NRDE2: variants seen among roughly 807,000 people sequenced by gnomAD.
NRDE2 encodes nuclear exosome regulator NRDE2.
Under a neutral mutation model 124.2 loss-of-function variants are expected in NRDE2, and 76 were observed. The observed-to-expected ratio is 0.61, with a 90% CI of 0.51 to 0.74. The LOEUF (loss-of-function observed/expected upper bound fraction) is 0.74, where lower values mean the gene tolerates loss of function less well. Among genes scored for constraint, NRDE2 ranks in the 30% least tolerant of loss-of-function variants. The pLI is 0.00. For missense variants in NRDE2, 1,314 were observed against 1,417.3 expected (o/e 0.93, Z 1.17); for synonymous variants, 489 against 528.1 (o/e 0.93, Z 1.01).
rs961126080 is a variant in NRDE2, at chr14:90,270,761, G to A, written c.*7575C>T. 1 of 157,836 alleles carries A rather than the reference G, an allele frequency of 6.3e-6. No individual in the cohort carries two copies. The highest frequency in any genetic ancestry group is 2.0e-4 in the South Asian group (1 of 4,942). The allele number at this position is 157,836 out of a possible 1,614,324, so 9.8% of individuals were successfully genotyped here. ...ATCTGTGTTCTGGAAGGTTGTACCA[G>A]ATTATACTTCTTGGTTTTATGACAA... On this transcript the variant is annotated 3_prime_UTR_variant, in exon 14 of 14. Coordinates refer to ENST00000354366, the MANE Select transcript of NRDE2 (RefSeq NM_017970.4).
At chr14:90,284,617 C>T (rs1233503311) in intron 12 of NRDE2, among the ~76,000 whole-genome samples, 2 of 152,106 alleles carry the variant, frequency 1.3e-5, no homozygotes, top group Non-Finnish European at 2.9e-5. Flanking sequence ...GATCCGGCTC[C>T]CTCAGCCTCC....
intron 7 of NRDE2, 140 bp from the exon 8 acceptor site, chr14:90,298,520 T>C (rs1311045539): frequency 1.8e-5 from 15 of 848,134 alleles, no homozygotes; most frequent in Non-Finnish European, 2.3e-5. Flanking sequence ...AGTAGATACA[T>C]GCTACACACC....
intron 2 of NRDE2, among the ~76,000 whole-genome samples, chr14:90,317,187 G>A (rs1372417683): frequency 6.6e-6 from 1 of 152,108 alleles, no homozygotes; most frequent in African/African-American, 2.4e-5. Flanking sequence ...AAGGCAAGAG[G>A]ACTGCTGAAG....
At chr14:90,315,396 G>T (rs1200320807) in intron 3 of NRDE2, among the ~76,000 whole-genome samples, 1 of 151,900 alleles carries the variant, frequency 6.6e-6, no homozygotes, top group African/African-American at 2.4e-5. Flanking sequence ...AATTCCTGAA[G>T]AGTTGCAAAA....
intron 4 of NRDE2, among the ~76,000 whole-genome samples, chr14:90,307,126 T>C (rs1379378781): frequency 6.6e-6 from 1 of 152,234 alleles, no homozygotes; most frequent in Non-Finnish European, 1.5e-5. Context: ...AGTATGTATA[T>C]ATATGTGTGT....
intron 8 of NRDE2, among the ~76,000 whole-genome samples, chr14:90,294,161 G>A (rs1446349863): frequency 1.3e-5 from 2 of 152,072 alleles, no homozygotes; most frequent in East Asian, 3.9e-4. Context: ...GTATCTCAGG[G>A]AAGTTATGCT....
At chr14:90,295,545 G>C (rs753279686) in intron 8 of NRDE2, among the ~76,000 whole-genome samples, 23 of 152,128 alleles carry the variant, frequency 1.5e-4, no homozygotes, top group Non-Finnish European at 2.5e-4. Flanking sequence ...ATCAGACTTA[G>C]ATACCTGAAT....
chr14:90,316,526 G>C lies in NRDE2; in HGVS notation c.407+52C>G, dbSNP rs1477288748. 1.1e-5 allele frequency: 14 copies of C among 1,306,170 alleles called. No homozygotes were observed. The African/African-American group carries it at 1.8e-4, about 17-fold the overall frequency. The allele number at this position is 1,306,170 out of a possible 1,614,324, so 80.9% of individuals were successfully genotyped here. On this transcript the variant is annotated intron_variant, in intron 3 of 13. Coordinates refer to ENST00000354366, the MANE Select transcript of NRDE2 (RefSeq NM_017970.4). ...ATCTAATTTGCGGCAACAATTAAGGGAGAAAAACTCAAGACTTAAAATATC... is the reference window on the plus strand; with the variant it reads ...ATCTAATTTGCGGCAACAATTAAGGCAGAAAAACTCAAGACTTAAAATATC...
chr14:90,286,471 G>A lies in NRDE2; in HGVS notation c.3180C>T (p.His1060=), dbSNP rs147836268. Residue 1060 remains histidine (H), a synonymous_variant, in exon 12 of 14, where the codon CAC becomes CAT. Transcript: ENST00000354366. The part of the protein sequence containing the change: ...TVQRLDGREI[H]ATIPETGLMH... ...TTAAGCCGGTCTCAGGAATTGTGGCGTGGATCTCTCTACCGTCTAACCTGC... is the reference window on the plus strand; with the variant it reads ...TTAAGCCGGTCTCAGGAATTGTGGCATGGATCTCTCTACCGTCTAACCTGC... 1.1e-4 allele frequency: 171 copies of A among 1,613,586 alleles called. 1 individual carries two copies. Among genetic ancestry groups the A allele is most frequent in the Middle Eastern group, 1.6e-4 (1 of 6,082 alleles).
Position 90,277,841 on chromosome 14 carries a change from C to G in NRDE2, c.*495G>C. 6.5e-6 allele frequency: 1 copy of G among 154,362 alleles called. No individual in the cohort carries two copies. The highest frequency in any genetic ancestry group is 1.9e-4 in the East Asian group (1 of 5,272). The allele number at this position is 154,362 out of a possible 1,614,324, so 9.6% of individuals were successfully genotyped here. A position where few individuals can be genotyped will look rare whatever the true frequency, so the allele number is the denominator to read the frequency against. On this transcript the variant is annotated 3_prime_UTR_variant, in exon 14 of 14. Coordinates refer to ENST00000354366, the MANE Select transcript of NRDE2 (RefSeq NM_017970.4). ...CAGGGAACTTGCCACACACTGCGTGCAGGCCAGAACACCAAGCGTTAACTG... is the reference window on the plus strand; with the variant it reads ...CAGGGAACTTGCCACACACTGCGTGGAGGCCAGAACACCAAGCGTTAACTG...
chr14:90,288,897 G>A lies in NRDE2; in HGVS notation c.2478C>T (p.Leu826=), dbSNP rs1052101167. 6 of 1,613,956 alleles carry A rather than the reference G, an allele frequency of 3.7e-6. No homozygotes were observed. Among genetic ancestry groups the A allele is most frequent in the Non-Finnish European group, 5.1e-6 (6 of 1,179,960 alleles). ...ACAGCTCCACCTCCAGCTCAGCATA[G>A]AGCAGACTGAGCTCACAGAGGTCAG... ...KDSDLCELSL[L]YAELEVELSP... Residue 826 remains leucine, a synonymous_variant, in exon 11 of 14, where the codon CTC becomes CTT. Transcript: ENST00000354366.
chr14:90,302,973 G>A lies in NRDE2; in HGVS notation c.1158C>T (p.Ala386=). 6.2e-7 allele frequency: 1 copy of A among 1,614,026 alleles called. No individual in the cohort carries two copies. Among genetic ancestry groups the A allele is most frequent in the Non-Finnish European group, 8.5e-7 (1 of 1,180,032 alleles). ...AGAACTCTGTGCAGAGCTTCAGCTT[G>A]GCCAGTTTCAGATCCACACTGCTCT... ...SNQSSVDLKL[A]KLKLCTEFWE... Residue 386 remains alanine (A), a synonymous_variant, in exon 6 of 14, where the codon GCC becomes GCT. Coordinates refer to ENST00000354366, the MANE Select transcript of NRDE2 (RefSeq NM_017970.4).
chr14:90,288,636 G>A lies in NRDE2; in HGVS notation c.2739C>T (p.Phe913=), dbSNP rs1400542627. The change falls in exon 11 of 14, where the codon TTC becomes TTT. Residue 913 remains phenylalanine (F), a synonymous_variant. Transcript: ENST00000354366. The part of the protein sequence containing the change: ...LISLAKCFML[F]QYLTIGIDAA... ...CATCAATCCCTATGGTCAAATACTG[G>A]AAGAGCATGAAGCATTTAGCCAGGC... is the stretch of plus-strand genomic sequence containing the variant. 1 of 1,614,110 alleles carries A rather than the reference G, an allele frequency of 6.2e-7. No individual in the cohort carries two copies. The highest frequency in any genetic ancestry group is 2.2e-5 in the East Asian group (1 of 44,888).
intron 3 of NRDE2, 141 bp from the exon 4 acceptor site, chr14:90,312,684 A>C: frequency 1.3e-6 from 1 of 776,390 alleles, no homozygotes; most frequent in Non-Finnish European, 2.1e-6. Flanking sequence ...TTAAATGTAC[A>C]TGTGCCACAG....
intron 1 of NRDE2, among the ~76,000 whole-genome samples, chr14:90,324,312 T>C (rs1885341528): frequency 1.3e-5 from 2 of 152,154 alleles, no homozygotes; most frequent in East Asian, 1.9e-4. Flanking sequence ...CAGATGGTCA[T>C]GTTTTGAATG....
At chr14:90,280,633 A>T in intron 12 of NRDE2, 1 of 152,294 alleles carries the variant, frequency 6.6e-6, no homozygotes, top group Non-Finnish European at 1.5e-5. Flanking sequence ...GGTGGGGACC[A>T]CGTGTGGCTT....
intron 9 of NRDE2, among the ~76,000 whole-genome samples, chr14:90,291,683 T>C (rs1024295361): frequency 9.2e-5 from 14 of 152,190 alleles, no homozygotes; most frequent in Non-Finnish European, 1.9e-4. Flanking sequence ...GGCCCCTTCT[T>C]CCTCCAGAGA....
At chr14:90,296,937 C>A (rs2149646) in intron 8 of NRDE2, among the ~76,000 whole-genome samples, 21 of 152,112 alleles carry the variant, frequency 1.4e-4, no homozygotes, top group African/African-American at 4.3e-4. Flanking sequence ...TCAGAGGTTC[C>A]AGACCAGCCT....
At position 90,269,690 on chromosome 14, in the gene NRDE2, C is replaced by T. The variant is rs1426972681; in HGVS notation, c.*8646G>A. On this transcript the variant is annotated 3_prime_UTR_variant, in exon 14 of 14. Coordinates refer to ENST00000354366, the MANE Select transcript of NRDE2 (RefSeq NM_017970.4). Reference sequence around the variant, plus strand: ...AGGATAATTTACAAAAAAATAGGTCCTCTTGAGATGAGGGTTAAAACAGAG... The same window carrying T: ...AGGATAATTTACAAAAAAATAGGTCTTCTTGAGATGAGGGTTAAAACAGAG... 1.1e-6 allele frequency: 1 copy of T among 872,850 alleles called. No homozygotes were observed. Among genetic ancestry groups the T allele is most frequent in the Non-Finnish European group, 1.7e-6 (1 of 578,646 alleles). The allele number at this position is 872,850 out of a possible 1,614,324, so 54.1% of individuals were successfully genotyped here. A position where few individuals can be genotyped will look rare whatever the true frequency, so the allele number is the denominator to read the frequency against.
Sources: allele counts gnomAD v4.1 joint callset (sites outside exome capture counted in the v4.1 genomes callset), GRCh38; gene constraint gnomAD v4.1.1; transcripts MANE v1.5; gene names NCBI Gene and HGNC (gene_info 2026-07-23, HGNC 2026-07-21).